The following IGF2R variants were observed in gnomAD, a reference collection of about 807,000 sequenced individuals.
IGF2R encodes insulin like growth factor 2 receptor, also known as cation-independent mannose-6-phosphate receptor.
IGF2R carries 91 observed loss-of-function variants against 270.6 expected under a neutral mutation model. The ratio of observed to expected loss-of-function variants is 0.34; its 90% CI spans 0.28 to 0.40. The LOEUF is 0.40. Ranked by LOEUF, IGF2R falls within the 10% of genes least tolerant of loss-of-function variation. The pLI, the probability that IGF2R is intolerant of heterozygous loss-of-function variation, is 1.00. For synonymous variants in IGF2R, 1,316 were observed against 1,258.9 expected, an observed-to-expected ratio of 1.05 and a Z score of -0.96; for missense variants, 2,805 against 3,188.3, an observed-to-expected ratio of 0.88 and a Z score of 2.90.
chr6:160,101,031 A>T (rs1000562119), intron 45 of IGF2R, among the ~76,000 whole-genome samples: 3 of 150,524 alleles, frequency 2.0e-5, no homozygotes, highest in Admixed American at 2.0e-4. Flanking sequence ...ACCTCAGGTG[A>T]TCCACCTGCC....
chr6:160,074,348 C>T lies in IGF2R; in HGVS notation c.5166+373C>T, dbSNP rs553977643. On this transcript the variant is annotated intron_variant, in intron 35 of 47. Coordinates refer to ENST00000356956, the MANE Select transcript of IGF2R (RefSeq NM_000876.4). ...TTGTCTTCTGTAGTTAAAACGCTTG[C>T]GAAATGCAAACAGTTTCTTTGGCAA... is the stretch of plus-strand genomic sequence containing the variant. Among the ~76,000 whole-genome samples, 82 of 152,186 alleles carry T rather than the reference C, an allele frequency of 5.4e-4. 1 individual carries two copies. Among genetic ancestry groups the T allele is most frequent in the Non-Finnish European group, 4.7e-4 (32 of 68,026 alleles).
intron 7 of IGF2R, among the ~76,000 whole-genome samples, chr6:160,032,127 A>G (rs1238272318): frequency 6.6e-6 from 1 of 151,944 alleles, no homozygotes; most frequent in Non-Finnish European, 1.5e-5. Flanking sequence ...GGGTTGCACC[A>G]CTCCAGTTGA....
intron 1 of IGF2R, among the ~76,000 whole-genome samples, chr6:159,974,463 G>T (rs1583235763): frequency 6.6e-6 from 1 of 152,014 alleles, no homozygotes; most frequent in South Asian, 2.1e-4. Flanking sequence ...TGAGGTATGA[G>T]TGTTTTCTTT....
Position 160,050,799 on chromosome 6 carries a change from A to G in IGF2R, c.2694+147A>G. 1 of 643,078 alleles carries G rather than the reference A, an allele frequency of 1.6e-6. No homozygotes were observed. Among genetic ancestry groups the G allele is most frequent in the South Asian group, 2.3e-5 (1 of 44,338 alleles). 39.8% of individuals were successfully genotyped at this position (643,078 alleles called of 1,614,324 possible). ...TGCTTAAGGTCAGTGTGCGGTATATATGTTCACAGGCAGGGAGTGATTTGT... is the reference window on the plus strand; with the variant it reads ...TGCTTAAGGTCAGTGTGCGGTATATGTGTTCACAGGCAGGGAGTGATTTGT... On this transcript the variant is annotated intron_variant, in intron 19 of 47. Coordinates refer to ENST00000356956, the MANE Select transcript of IGF2R (RefSeq NM_000876.4). This position sits in a 1 kb window ranked among gnomAD's most constrained non-coding sequence, Gnocchi z 4.0.
At position 160,056,502 on chromosome 6, in the gene IGF2R, C is replaced by T; in HGVS notation, c.2773C>T (p.Gln925Ter). ...GAACACAGAGGCTGCCTGTCCCATT[C>T]AGACAACGACGGATACAGACCAGGT... is the stretch of plus-strand genomic sequence containing the variant. ...LWNTEAACPI[Q>*]TTTDTDQACS... Residue 925 changes from glutamine (Q) to a stop codon, truncating the protein, a stop_gained, in exon 20 of 48, where the codon CAG (glutamine) becomes TAG (stop). Transcript: ENST00000356956. LOFTEE classifies it high-confidence loss of function. 1 of 1,613,106 alleles carries T rather than the reference C, an allele frequency of 6.2e-7. No individual in the cohort carries two copies. The highest frequency in any genetic ancestry group is 8.5e-7 in the Non-Finnish European group (1 of 1,179,042).
chr6:160,047,430 C>T, intron 16 of IGF2R, 94 bp downstream of exon 16: 3 of 1,094,634 alleles, frequency 2.7e-6, no homozygotes, highest in South Asian at 3.3e-5. Flanking sequence ...TCTGGGTTTC[C>T]AGCCAAATCA....
intron 1 of IGF2R, among the ~76,000 whole-genome samples, chr6:159,972,017 C>CG (rs1420393272): frequency 6.6e-6 from 1 of 151,808 alleles, no homozygotes; most frequent in African/African-American, 2.4e-5. Context: ...TTTCTTGGGG[C>CG]GGGGGAGGTT....
chr6:160,092,897 A>G (rs1159248464), intron 44 of IGF2R, among the ~76,000 whole-genome samples: 7 of 152,232 alleles, frequency 4.6e-5, no homozygotes, highest in Admixed American at 4.6e-4. Flanking sequence ...GGAGCAGCAG[A>G]GTTCATGCAA....
At chr6:159,999,172 G>A (rs1290661163) in intron 2 of IGF2R, among the ~76,000 whole-genome samples, 2 of 152,184 alleles carry the variant, frequency 1.3e-5, no homozygotes, top group Non-Finnish European at 2.9e-5. Context: ...TCCAGACCCA[G>A]GGATCATACA....
At chr6:160,080,860 G>T (rs1778965327) in intron 39 of IGF2R, among the ~76,000 whole-genome samples, 1 of 151,970 alleles carries the variant, frequency 6.6e-6, no homozygotes, top group African/African-American at 2.4e-5. Context: ...GCTCACGCCT[G>T]TAATCCCAGC....
At position 160,000,728 on chromosome 6, in the gene IGF2R, G is replaced by GTTTTTTT. The variant is rs59215791; in HGVS notation, c.290-8263_290-8257dup. 7.3e-4 allele frequency among the ~76,000 whole-genome samples: 51 copies of GTTTTTTT among 69,962 alleles called. 2 individuals are homozygous for GTTTTTTT. The highest frequency in any genetic ancestry group is 0.014 in the Middle Eastern group (1 of 70). The allele number at this position is 69,962 out of a possible 152,430, so 45.9% of individuals were successfully genotyped here. ...GGAAGATAATAGTTGGTGTGAGGTTGTTTTTTTTTTTTTTTTTTTTTTTTT... is the reference window on the plus strand; with the variant it reads ...GGAAGATAATAGTTGGTGTGAGGTTGTTTTTTTTTTTTTTTTTTTTTTTTTTTTTTTT... On this transcript the variant is annotated intron_variant, in intron 2 of 47. Coordinates refer to ENST00000356956, the MANE Select transcript of IGF2R (RefSeq NM_000876.4).
At chr6:159,975,784 A>AATATATAATATATAGTT (rs1299726806) in intron 1 of IGF2R, among the ~76,000 whole-genome samples, 3 of 147,526 alleles carry the variant, frequency 2.0e-5, no homozygotes, top group South Asian at 4.2e-4. Flanking sequence ...TATTATATAT[A>AATATATAATATATAGTT]ATATATAATA....
chr6:160,026,327 G>T (rs957076096), intron 5 of IGF2R, among the ~76,000 whole-genome samples: 1 of 152,200 alleles, frequency 6.6e-6, no homozygotes, highest in Non-Finnish European at 1.5e-5. Context: ...ACTAGCTGGT[G>T]CAAAGGTAGA....
At chr6:160,101,735 CTT>C (rs1201899201) in intron 45 of IGF2R, among the ~76,000 whole-genome samples, 2 of 152,368 alleles carry the variant, frequency 1.3e-5, no homozygotes, top group Middle Eastern at 3.4e-3. Context: ...TCGTTACACT[CTT>C]GAGTGTCATC....
intron 11 of IGF2R, among the ~76,000 whole-genome samples, chr6:160,041,360 A>G (rs1209239199): frequency 6.6e-6 from 1 of 152,138 alleles, no homozygotes; most frequent in Non-Finnish European, 1.5e-5. Flanking sequence ...GACTTGCCTC[A>G]TGTAATTACC....
At position 160,073,744 on chromosome 6, in the gene IGF2R, T is replaced by C. The variant is rs1778795386; in HGVS notation, c.4948-13T>C. The C allele has an allele frequency of 6.2e-7, 1 of 1,609,644 alleles. No homozygotes were observed. Among genetic ancestry groups the C allele is most frequent in the African/African-American group, 1.3e-5 (1 of 74,816 alleles). On this transcript the variant is annotated splice_polypyrimidine_tract_variant and intron_variant, in intron 34 of 47. Transcript: ENST00000356956. ...TTTTTTGTAGACTCAAAGCAGTCTT[T>C]CCTACTTAACAGACCGAATGTTCCG...
At chr6:160,030,506 G>A (rs754096411) in intron 7 of IGF2R, among the ~76,000 whole-genome samples, 1 of 152,216 alleles carries the variant, frequency 6.6e-6, no homozygotes, top group Non-Finnish European at 1.5e-5. Context: ...TCCACATCAA[G>A]TGCTGTCAGC....
chr6:159,996,448 G>C (rs1784054973), intron 2 of IGF2R, among the ~76,000 whole-genome samples: 1 of 152,266 alleles, frequency 6.6e-6, no homozygotes, highest in Admixed American at 6.5e-5. Context: ...GCCCCTGAGT[G>C]GGGGACAAAG....
At chr6:160,067,900 C>G (rs1386810259) in intron 29 of IGF2R, among the ~76,000 whole-genome samples, 3 of 152,202 alleles carry the variant, frequency 2.0e-5, no homozygotes, top group Non-Finnish European at 4.4e-5. Flanking sequence ...GGCTGCTTAC[C>G]TTTGTCACCA....
Sources: allele counts gnomAD v4.1 joint callset (sites outside exome capture counted in the v4.1 genomes callset), GRCh38; gene constraint gnomAD v4.1.1; non-coding constraint Gnocchi (gnomAD v3.1); transcripts MANE v1.5; gene names NCBI Gene and HGNC (gene_info 2026-07-23, HGNC 2026-07-21).